The following PLXNA4 variants were observed in gnomAD, a reference collection of about 807,000 sequenced individuals.
PLXNA4 encodes the protein plexin A4.
A neutral mutation model predicts 191.8 loss-of-function variants in PLXNA4; 44 were observed. That is an observed-to-expected ratio of 0.23 (90% confidence interval 0.18 to 0.29). The LOEUF (loss-of-function observed/expected upper bound fraction) is 0.29, where lower values mean the gene tolerates loss of function less well. Ranked by LOEUF, PLXNA4 falls within the 10% of genes least tolerant of loss-of-function variation. The pLI is 1.00. For synonymous variants in PLXNA4, 1,082 were observed against 1,009.5 expected, an observed-to-expected ratio of 1.07 and a Z score of -1.36; for missense variants, 1,800 against 2,488.8, an observed-to-expected ratio of 0.72 and a Z score of 5.89.
At chr7:132,456,782 G>T (rs1001385480) in intron 3 of PLXNA4, among the ~76,000 whole-genome samples, 2 of 152,154 alleles carry the variant, frequency 1.3e-5, no homozygotes, top group Non-Finnish European at 2.9e-5. Context: ...CTCCATTCAT[G>T]CCCAAAGACC....
chr7:132,140,552 T>C (rs749752048), intron 30 of PLXNA4, 47 bp downstream of exon 30: 2 of 1,601,808 alleles, frequency 1.2e-6, no homozygotes, highest in Non-Finnish European at 8.5e-7. Flanking sequence ...AGGGAGCTGC[T>C]GGCTCCAGCA....
At chr7:132,637,016 G>A (rs1024404099) in intron 2 of PLXNA4, among the ~76,000 whole-genome samples, 6 of 152,138 alleles carry the variant, frequency 3.9e-5, no homozygotes, top group African/African-American at 1.2e-4. Context: ...ATTGTTTGAC[G>A]CTGAAACAGT....
rs201091759 is a variant in PLXNA4 at position 132,303,248 on chromosome 7, ATTTTTTTT to A, written c.1372-5034_1372-5027del. 1.4e-4 allele frequency among the ~76,000 whole-genome samples: 18 copies of A among 129,792 alleles called. No individual in the cohort carries two copies. The East Asian group carries it at 3.6e-3, about 26-fold the overall frequency. The allele number at this position is 129,792 out of a possible 152,430, so 85.1% of individuals were successfully genotyped here. The stretch of plus-strand genomic sequence containing the variant: ...TGAGAAAGGATGAAAACAGAAGTTG[ATTTTTTTT>A]TTTTTTTTTTTGGTAGAAAATGTAA... On this transcript the variant is annotated intron_variant, in intron 3 of 31. Transcript: ENST00000321063.
At chr7:132,169,075 G>A (rs1189858484) in intron 21 of PLXNA4, among the ~76,000 whole-genome samples, 1 of 152,118 alleles carries the variant, frequency 6.6e-6, no homozygotes, top group Non-Finnish European at 1.5e-5. Context: ...GGTTCCACGT[G>A]GATTCTGATA....
rs1025246917 is a variant in PLXNA4, at chr7:132,124,378, A to G, written c.*6101T>C. The G allele has an allele frequency of 6.6e-6, 1 of 152,168 alleles. No individual in the cohort carries two copies. The highest frequency in any genetic ancestry group is 6.5e-5 in the Admixed American group (1 of 15,276). The allele number at this position is 152,168 out of a possible 1,614,324, so 9.4% of individuals were successfully genotyped here. ...CCTGGATTGCGGCTGACTTCTGTGCACGAAAGTGTTCCTTAGTCCTGTTTG... is the reference window on the plus strand; with the variant it reads ...CCTGGATTGCGGCTGACTTCTGTGCGCGAAAGTGTTCCTTAGTCCTGTTTG... On this transcript the variant is annotated 3_prime_UTR_variant, in exon 32 of 32. Transcript: ENST00000321063.
intron 2 of PLXNA4, among the ~76,000 whole-genome samples, chr7:132,624,833 C>T (rs6957896): frequency 0.39 from 59,554 of 152,006 alleles, 12,847 homozygotes; most frequent in Non-Finnish European, 0.5. Flanking sequence ...CAAAAGCTCA[C>T]CTACCTCTAA....
chr7:132,296,839 G>T (rs186227831), intron 4 of PLXNA4, among the ~76,000 whole-genome samples: 7 of 151,960 alleles, frequency 4.6e-5, no homozygotes, highest in Admixed American at 3.3e-4. Context: ...GCTCCATCTC[G>T]GTAGTCTCCC....
chr7:132,232,155 C>G (rs1798544635), intron 5 of PLXNA4, among the ~76,000 whole-genome samples: 1 of 152,182 alleles, frequency 6.6e-6, no homozygotes, highest in Non-Finnish European at 1.5e-5. Context: ...CAGACTAGAT[C>G]TGGGAACCAG....
intron 25 of PLXNA4, among the ~76,000 whole-genome samples, chr7:132,156,409 C>T (rs532361097): frequency 6.6e-6 from 1 of 152,216 alleles, no homozygotes; most frequent in East Asian, 1.9e-4. Flanking sequence ...AGCCAAAAGC[C>T]AAGCAAGAGC....
rs531951907 is a variant in PLXNA4, at chr7:132,566,341, T to A, written c.-87+10081A>T. Among the ~76,000 whole-genome samples the A allele has an allele frequency of 3.0e-3, 450 of 152,232 alleles. 6 individuals are homozygous for A. In the South Asian group the frequency reaches 0.034, roughly 12 times the overall value. ...ACATACAATCATTACCTATGTGAGA[T>A]GAATGCCAGGCAGTGAAAACGCTTT... On this transcript the variant is annotated intron_variant, in intron 1 of 31. Coordinates refer to ENST00000321063, the MANE Select transcript of PLXNA4 (RefSeq NM_020911.2).
intron 4 of PLXNA4, among the ~76,000 whole-genome samples, chr7:132,247,536 A>C (rs992979175): frequency 1.3e-5 from 2 of 152,206 alleles, no homozygotes; most frequent in African/African-American, 2.4e-5. Context: ...GTCCCCGAGC[A>C]GAGGAAGTAG....
chr7:132,381,044 G>C (rs1159780561), intron 3 of PLXNA4, among the ~76,000 whole-genome samples: 1 of 152,240 alleles, frequency 6.6e-6, no homozygotes, highest in African/African-American at 2.4e-5. Context: ...TTAGCTACAA[G>C]GTAATTTTAT....
intron 3 of PLXNA4, among the ~76,000 whole-genome samples, chr7:132,478,001 G>A (rs1342535574): frequency 6.6e-6 from 1 of 152,170 alleles, no homozygotes; most frequent in African/African-American, 2.4e-5. Flanking sequence ...CCCAAAAAGA[G>A]ATAAAGAAGC....
intron 3 of PLXNA4, among the ~76,000 whole-genome samples, chr7:132,472,753 G>A (rs1264569860): frequency 2.0e-5 from 3 of 152,182 alleles, no homozygotes; most frequent in African/African-American, 7.2e-5. Context: ...AAGGCACAGG[G>A]CCCCTCTCTC....
chr7:132,336,082 C>T (rs1563042978), intron 3 of PLXNA4, among the ~76,000 whole-genome samples: 1 of 152,150 alleles, frequency 6.6e-6, no homozygotes. Context: ...GCTTGCCCTA[C>T]CATGGATGGC....
intron 2 of PLXNA4, among the ~76,000 whole-genome samples, chr7:132,618,928 T>C (rs987056638): frequency 6.6e-6 from 1 of 152,142 alleles, no homozygotes; most frequent in African/African-American, 2.4e-5. Context: ...AAAGTAGGTT[T>C]CAGAAGTATC....
intron 3 of PLXNA4, among the ~76,000 whole-genome samples, chr7:132,414,553 T>C (rs1794587705): frequency 6.6e-6 from 1 of 152,146 alleles, no homozygotes; most frequent in Non-Finnish European, 1.5e-5. Context: ...AGAGGTTTGA[T>C]GCTTGGACAA....
chr7:132,396,404 G>T (rs1054137871), intron 3 of PLXNA4, among the ~76,000 whole-genome samples: 7 of 152,178 alleles, frequency 4.6e-5, no homozygotes, highest in African/African-American at 1.4e-4. Context: ...TGATAGATAA[G>T]GAAGCTAAGC....
At position 132,635,417 on chromosome 7, in the gene PLXNA4, G is replaced by A. The variant is rs143293362; in HGVS notation, c.-87+10511C>T. On this transcript the variant is annotated intron_variant, in intron 2 of 4. Coordinates refer to the PLXNA4 transcript ENST00000378539. ...TTAGGGATATGGCCCCTGTCCCCAG[G>A]AGCTTGTAAATTGGCTGGAAGGATG... 5.8e-3 allele frequency among the ~76,000 whole-genome samples: 887 copies of A among 152,072 alleles called. 6 individuals carry two copies. The highest frequency in any genetic ancestry group is 0.048 in the Middle Eastern group (14 of 294).
Sources: gnomAD v4.1 joint callset for allele counts (sites outside exome capture counted in the v4.1 genomes callset) on GRCh38, gnomAD v4.1.1 for gene constraint, MANE v1.5 for transcripts, NCBI Gene and HGNC (gene_info 2026-07-23, HGNC 2026-07-21) for gene names.